Variants in C16orf78 observed in about 807,000 individuals in gnomAD.
The protein encoded by C16orf78 is uncharacterized protein C16orf78.
In C16orf78, 19 loss-of-function variants were observed where a neutral mutation model predicts 27.3. The ratio of observed to expected loss-of-function variants is 0.70; its 90% CI spans 0.49 to 1.02. The LOEUF (loss-of-function observed/expected upper bound fraction) is 1.02, where lower values mean the gene tolerates loss of function less well. Among genes scored for constraint, C16orf78 ranks in the 50% least tolerant of loss-of-function variants. The probability of loss-of-function intolerance (pLI) is 0.00; values close to 1 mark genes in which losing one functional copy is unlikely to be tolerated. For synonymous variants in C16orf78, 130 were observed against 116.1 expected (o/e 1.12, Z -0.77); for missense variants, 339 against 337.0 (o/e 1.01, Z -0.05).
intron 1 of C16orf78, among the ~76,000 whole-genome samples, chr16:49,375,542 A>G (rs1265178577): frequency 6.6e-6 from 1 of 152,166 alleles, no homozygotes; most frequent in Admixed American, 6.5e-5. Flanking sequence ...CGCCTTCATG[A>G]CAGTACCAAG....
In C16orf78 at chr16:49,382,456, A is replaced by G. The variant is rs140787210; in HGVS notation, c.394+3863A>G. On this transcript the variant is annotated intron_variant, in intron 3 of 4. Transcript: ENST00000299191. Reference sequence around the variant, plus strand: ...AAATAAATAAATAAATTTAAAAAAAAGAATTACATCACAGAATTATACAGC... The same window carrying G: ...AAATAAATAAATAAATTTAAAAAAAGGAATTACATCACAGAATTATACAGC... Among the ~76,000 whole-genome samples the G allele has an allele frequency of 7.8e-4, 119 of 152,024 alleles. 5 individuals are homozygous for G. Among genetic ancestry groups the G allele is most frequent in the African/African-American group, 2.7e-3 (112 of 41,406 alleles).
chr16:49,389,054 T>C (rs748534586), intron 3 of C16orf78, among the ~76,000 whole-genome samples: 7 of 152,252 alleles, frequency 4.6e-5, no homozygotes, highest in Non-Finnish European at 8.8e-5. Flanking sequence ...TTCTCTTTCT[T>C]CTTTTCCTGC....
chr16:49,383,486 C>T (rs1465592933), intron 3 of C16orf78, among the ~76,000 whole-genome samples: 1 of 152,220 alleles, frequency 6.6e-6, no homozygotes, highest in Non-Finnish European at 1.5e-5. Context: ...CAGAGTCTAT[C>T]CTACCACTTC....
At position 49,396,433 on chromosome 16, in the gene C16orf78, C is replaced by A; in HGVS notation, c.405C>A (p.Ile135=). The A allele has an allele frequency of 6.2e-7, 1 of 1,614,104 alleles. No homozygotes were observed. The highest frequency in any genetic ancestry group is 8.5e-7 in the Non-Finnish European group (1 of 1,180,000). Residue 135 remains isoleucine, a synonymous_variant, in exon 4 of 5, where the codon ATC becomes ATA. Transcript: ENST00000299191. ...TCTGTCCAATTTCAGATACAGACAT[C>A]AAGGATGCAGTCGACCCAGAGTCCA... ...KDGPKKSDTD[I]KDAVDPESTQ...
chr16:49,384,155 C>T (rs1381468043), intron 3 of C16orf78, among the ~76,000 whole-genome samples: 1 of 151,998 alleles, frequency 6.6e-6, no homozygotes, highest in African/African-American at 2.4e-5. Context: ...TCGAGACCAG[C>T]CTGAACAACG....
intron 1 of C16orf78, among the ~76,000 whole-genome samples, chr16:49,376,106 G>A (rs571202745): frequency 2.6e-5 from 4 of 152,284 alleles, no homozygotes; most frequent in East Asian, 3.9e-4. Flanking sequence ...GCAGGTCTCC[G>A]ACAGCAGCAG....
rs567409898 is a variant in C16orf78 at position 49,396,396 on chromosome 16, T to A, written c.395-27T>A. 7.4e-6 allele frequency: 12 copies of A among 1,612,412 alleles called. No homozygotes were observed. In the Admixed American group the frequency reaches 1.0e-4, roughly 13 times the overall value. ...CCTCTCACGTCTCCCACGGTCTAAC[T>A]CTTTGATGGCATCTGTCCAATTTCA... On this transcript the variant is annotated intron_variant, in intron 3 of 4. Coordinates refer to ENST00000299191, the MANE Select transcript of C16orf78 (RefSeq NM_144602.4).
intron 3 of C16orf78, among the ~76,000 whole-genome samples, chr16:49,390,511 T>C (rs548354975): frequency 1.3e-5 from 2 of 152,316 alleles, no homozygotes; most frequent in South Asian, 4.1e-4. Flanking sequence ...GTTAATCCCA[T>C]CCAATATAAT....
chr16:49,381,807 C>T (rs1965290269), intron 3 of C16orf78, among the ~76,000 whole-genome samples: 1 of 152,134 alleles, frequency 6.6e-6, no homozygotes, highest in Non-Finnish European at 1.5e-5. Flanking sequence ...CACTTTTACA[C>T]TGCTGGTGGG....
intron 3 of C16orf78, among the ~76,000 whole-genome samples, chr16:49,389,411 G>A (rs943466280): frequency 1.7e-4 from 25 of 147,936 alleles, no homozygotes; most frequent in Non-Finnish European, 2.8e-4. Flanking sequence ...GGGCAACAGA[G>A]CAAGACTCCA....
chr16:49,385,603 C>A (rs1427046501), intron 3 of C16orf78, among the ~76,000 whole-genome samples: 1 of 149,328 alleles, frequency 6.7e-6, no homozygotes. Flanking sequence ...TGCAGTGAGC[C>A]GAGATCATGC....
chr16:49,396,292 AAAG>A, intron 3 of C16orf78, 128 bp from the exon 4 acceptor site: 1 of 1,071,926 alleles, frequency 9.3e-7, no homozygotes, highest in Non-Finnish European at 1.3e-6. Flanking sequence ...GAAGCCACGA[AAAG>A]ACCTCATATC....
intron 2 of C16orf78, among the ~76,000 whole-genome samples, 200 bp downstream of exon 2, chr16:49,378,050 T>C (rs1427801376): frequency 6.6e-6 from 1 of 152,182 alleles, no homozygotes; most frequent in African/African-American, 2.4e-5. Context: ...GCTGCCTCCC[T>C]GTAGTTTCAT....
At chr16:49,393,215 A>G (rs1322661387) in intron 3 of C16orf78, among the ~76,000 whole-genome samples, 1 of 152,116 alleles carries the variant, frequency 6.6e-6, no homozygotes, top group Non-Finnish European at 1.5e-5. Context: ...CATTCTCCCC[A>G]CTATAGGGGT....
chr16:49,384,921 A>G (rs1965329717), intron 3 of C16orf78, among the ~76,000 whole-genome samples: 1 of 152,220 alleles, frequency 6.6e-6, no homozygotes, highest in African/African-American at 2.4e-5. Flanking sequence ...AACAACTGCC[A>G]ACCAAGGATA....
chr16:49,381,721 C>T (rs1325837610), intron 3 of C16orf78, among the ~76,000 whole-genome samples: 3 of 150,962 alleles, frequency 2.0e-5, no homozygotes, highest in African/African-American at 7.3e-5. Flanking sequence ...GAGATACCAT[C>T]TCACACCAGT....
intron 1 of C16orf78, among the ~76,000 whole-genome samples, chr16:49,376,805 T>C (rs910256929): frequency 2.0e-5 from 3 of 152,094 alleles, no homozygotes; most frequent in Non-Finnish European, 2.9e-5. Context: ...ACAAGGAAAC[T>C]AAGCCACAGA....
intron 3 of C16orf78, among the ~76,000 whole-genome samples, chr16:49,392,620 G>A (rs1313291683): frequency 6.6e-6 from 1 of 152,182 alleles, no homozygotes; most frequent in Non-Finnish European, 1.5e-5. Context: ...TAAATAGTAG[G>A]TAAATAAATA....
At chr16:49,391,118 A>G (rs1169312656) in intron 3 of C16orf78, among the ~76,000 whole-genome samples, 1 of 152,220 alleles carries the variant, frequency 6.6e-6, no homozygotes, top group Non-Finnish European at 1.5e-5. Flanking sequence ...AACCTTATTG[A>G]GTGCAATAGC....
Sources: gnomAD v4.1 joint callset for allele counts (sites outside exome capture counted in the v4.1 genomes callset) on GRCh38, gnomAD v4.1.1 for gene constraint, MANE v1.5 for transcripts, NCBI Gene and HGNC (gene_info 2026-07-23, HGNC 2026-07-21) for gene names.